The following NCOA2 variants were observed in gnomAD, a reference collection of about 807,000 sequenced individuals.
NCOA2 encodes class E basic helix-loop-helix protein 75.
Under a neutral mutation model 145.1 loss-of-function variants are expected in NCOA2, and 21 were observed. That is an observed-to-expected ratio of 0.14 (90% CI 0.10 to 0.21). The LOEUF (loss-of-function observed/expected upper bound fraction) is 0.21, where lower values mean the gene tolerates loss of function less well. Among genes scored for constraint, NCOA2 ranks in the 10% least tolerant of loss-of-function variants. NCOA2 has a pLI of 1.00. For missense variants in NCOA2, 1,472 were observed against 1,837.6 expected, an observed-to-expected ratio of 0.80 and a Z score of 3.64; for synonymous variants, 619 against 637.5, an observed-to-expected ratio of 0.97 and a Z score of 0.44.
In NCOA2 at chr8:70,212,636, A is replaced by G. The variant is rs138808842; in HGVS notation, c.259+1267T>C. ...TGGAAAACGCTAAGATGATATGCTA[A>G]TAGGTAGCTAGGATTTGTGACAGAT... On this transcript the variant is annotated intron_variant, in intron 4 of 22. Transcript: ENST00000452400. Among the ~76,000 whole-genome samples the G allele has an allele frequency of 1.2e-3, 185 of 152,342 alleles. 1 individual carries two copies. The highest frequency in any genetic ancestry group is 4.2e-3 in the African/African-American group (173 of 41,572).
the NCOA2 span, among the ~76,000 whole-genome samples, chr8:70,429,929 A>G: frequency 6.6e-6 from 1 of 152,058 alleles, no homozygotes; most frequent in Admixed American, 6.6e-5. Context: ...CTGGAGTGCC[A>G]TGGTGTGATC....
chr8:70,122,547 A>G (rs1250399194), intron 21 of NCOA2, among the ~76,000 whole-genome samples: 2 of 152,174 alleles, frequency 1.3e-5, no homozygotes, highest in Non-Finnish European at 2.9e-5. Flanking sequence ...ACAAGCCAAC[A>G]TGCCAGGCTA....
chr8:70,450,873 C>T, the NCOA2 span, among the ~76,000 whole-genome samples: 1 of 151,256 alleles, frequency 6.6e-6, no homozygotes, highest in South Asian at 2.1e-4. Context: ...GGCCAACTCA[C>T]TTCCTTTTCA....
intron 1 of NCOA2, among the ~76,000 whole-genome samples, chr8:70,343,803 C>T (rs1162577735): frequency 1.3e-5 from 2 of 149,428 alleles, no homozygotes; most frequent in Middle Eastern, 3.4e-3. Context: ...GAAGCAAGAC[C>T]CCATCTCAAA....
At chr8:70,391,109 T>C (rs1482208491) in intron 1 of NCOA2, among the ~76,000 whole-genome samples, 9 of 152,248 alleles carry the variant, frequency 5.9e-5, no homozygotes, top group East Asian at 3.9e-4. Flanking sequence ...GGAGAACAGA[T>C]GAAGACATTG....
chr8:70,417,711 C>G, the NCOA2 span, among the ~76,000 whole-genome samples: 13 of 152,102 alleles, frequency 8.5e-5, no homozygotes, highest in African/African-American at 2.9e-4. Context: ...TCTAAGTAAG[C>G]CATTAGTAGT....
At chr8:70,406,664 G>A (rs1406933528), upstream of NCOA2, among the ~76,000 whole-genome samples, 1 of 152,122 alleles carries the variant, frequency 6.6e-6, no homozygotes, top group Admixed American at 6.5e-5. Flanking sequence ...TAAAGAAAAT[G>A]ACAAATTATA....
intron 1 of NCOA2, among the ~76,000 whole-genome samples, chr8:70,319,539 AAAATAAAT>A (rs71558597): frequency 1.6e-4 from 24 of 149,192 alleles, no homozygotes; most frequent in African/African-American, 3.2e-4. Flanking sequence ...CCCTGTCTCA[AAAATAAAT>A]AAATAAATAA....
At chr8:70,252,383 T>C (rs146371284) in intron 2 of NCOA2, among the ~76,000 whole-genome samples, 1 of 152,306 alleles carries the variant, frequency 6.6e-6, no homozygotes, top group Non-Finnish European at 1.5e-5. Context: ...AAGACCAGCC[T>C]GGGCAACATA....
At chr8:70,423,176 TTTTTG>T in the NCOA2 span, among the ~76,000 whole-genome samples, 9 of 152,210 alleles carry the variant, frequency 5.9e-5, no homozygotes, top group East Asian at 1.9e-4. Context: ...TTCTTGTGGT[TTTTTG>T]TTTTGTTTTG....
chr8:70,174,635 G>A, intron 5 of NCOA2, 121 bp downstream of exon 5: 1 of 872,984 alleles, frequency 1.1e-6, no homozygotes, highest in Non-Finnish European at 1.8e-6. Flanking sequence ...GCAAGCTCAA[G>A]AGGTCCATAG....
rs1057070795 is a variant in NCOA2, at chr8:70,388,579, T to C, written c.-77+15121A>G. Among the ~76,000 whole-genome samples the C allele has an allele frequency of 3.9e-5, 6 of 152,350 alleles. No homozygotes were observed. In the East Asian group the frequency reaches 1.2e-3, roughly 29 times the overall value. On this transcript the variant is annotated intron_variant, in intron 1 of 22. Coordinates refer to ENST00000452400, the MANE Select transcript of NCOA2 (RefSeq NM_006540.4). ...ACATGGCTTTTGCCTTCCCTAAGCGTAAGGTCTTCGAGGATAGGAACATTT... is the reference window on the plus strand; with the variant it reads ...ACATGGCTTTTGCCTTCCCTAAGCGCAAGGTCTTCGAGGATAGGAACATTT...
At chr8:70,386,537 A>C (rs1812680791) in intron 1 of NCOA2, among the ~76,000 whole-genome samples, 1 of 151,574 alleles carries the variant, frequency 6.6e-6, no homozygotes, top group African/African-American at 2.4e-5. Flanking sequence ...AATACATGTC[A>C]TCGTCATTTA....
chr8:70,384,458 T>C (rs1452166879), intron 1 of NCOA2, among the ~76,000 whole-genome samples: 1 of 152,166 alleles, frequency 6.6e-6, no homozygotes, highest in Non-Finnish European at 1.5e-5. Context: ...AACCAAATGG[T>C]TCCAACATTG....
chr8:70,419,143 C>T, the NCOA2 span, among the ~76,000 whole-genome samples: 1 of 149,168 alleles, frequency 6.7e-6, no homozygotes, highest in Middle Eastern at 3.3e-3. Context: ...CTTTATTGAA[C>T]AAACCCTCCC....
Position 70,304,986 on chromosome 8 carries a change from A to T in NCOA2, c.-76-8186T>A, listed in dbSNP as rs189690906. Among the ~76,000 whole-genome samples the T allele has an allele frequency of 2.0e-3, 300 of 150,494 alleles. 1 individual carries two copies. Among genetic ancestry groups the T allele is most frequent in the African/African-American group, 6.8e-3 (279 of 40,928 alleles). ...ATCTACCCATGTCGGCCTCCTGAGT[A>T]GCTAGGACTATATTAGGCATGCACC... On this transcript the variant is annotated intron_variant, in intron 1 of 22. Transcript: ENST00000452400.
At chr8:70,295,871 T>C (rs1414192788) in intron 2 of NCOA2, among the ~76,000 whole-genome samples, 3 of 152,182 alleles carry the variant, frequency 2.0e-5, no homozygotes, top group African/African-American at 7.2e-5. Flanking sequence ...CTTGAACCCA[T>C]GAGGCGGAGG....
chr8:70,292,454 G>A (rs1826768507), intron 2 of NCOA2, among the ~76,000 whole-genome samples: 1 of 151,634 alleles, frequency 6.6e-6, no homozygotes, highest in Admixed American at 6.6e-5. Context: ...CCAGCCCTGA[G>A]GCAGGAGAAT....
At chr8:70,413,856 C>T in the NCOA2 span, among the ~76,000 whole-genome samples, 1 of 151,976 alleles carries the variant, frequency 6.6e-6, no homozygotes, top group East Asian at 1.9e-4. Flanking sequence ...TCAGTTTTCC[C>T]CCAAAATAAT....
Sources: allele counts gnomAD v4.1 joint callset (sites outside exome capture counted in the v4.1 genomes callset), GRCh38; gene constraint gnomAD v4.1.1; transcripts MANE v1.5; gene names NCBI Gene and HGNC (gene_info 2026-07-23, HGNC 2026-07-21).